The following MARCHF8 variants were observed in gnomAD, a reference collection of about 807,000 sequenced individuals.
The protein encoded by MARCHF8 is E3 ubiquitin-protein ligase MARCHF8.
In MARCHF8, 40 loss-of-function variants were observed where a neutral mutation model predicts 51.6. That is an observed-to-expected ratio of 0.77 (90% CI 0.60 to 1.01). The LOEUF (loss-of-function observed/expected upper bound fraction) is 1.01. Among genes scored for constraint, MARCHF8 ranks in the 50% least tolerant of loss-of-function variants. MARCHF8 has a pLI of 0.00. For synonymous variants in MARCHF8, 263 were observed against 280.3 expected, an observed-to-expected ratio of 0.94 and a Z score of 0.62; for missense variants, 685 against 708.6, an observed-to-expected ratio of 0.97 and a Z score of 0.38.
At chr10:45,571,633 C>A (rs753075618) in intron 1 of MARCHF8, among the ~76,000 whole-genome samples, 13 of 151,110 alleles carry the variant, frequency 8.6e-5, no homozygotes, top group Non-Finnish European at 1.8e-4. Context: ...TCCTCCTGCT[C>A]TTTGCTCTGT....
chr10:45,464,374 A>G (rs1842901174), intron 3 of MARCHF8, 47 bp from the exon 4 acceptor site: 2 of 1,519,668 alleles, frequency 1.3e-6, no homozygotes, highest in African/African-American at 1.4e-5. Context: ...AGCCAAGGGG[A>G]TTGTGTGCAC....
chr10:45,462,541 C>A (rs562305972), intron 5 of MARCHF8, among the ~76,000 whole-genome samples: 2 of 151,936 alleles, frequency 1.3e-5, no homozygotes, highest in Non-Finnish European at 2.9e-5. Flanking sequence ...CTTCCAGTTT[C>A]TTTATGCAAA....
intron 2 of MARCHF8, among the ~76,000 whole-genome samples, chr10:45,505,956 T>G (rs1348269626): frequency 6.6e-6 from 1 of 152,202 alleles, no homozygotes; most frequent in Non-Finnish European, 1.5e-5. Context: ...ATAAACTCTT[T>G]CCGCATCTGC....
intron 1 of MARCHF8, among the ~76,000 whole-genome samples, chr10:45,573,539 C>T (rs759632125): frequency 2.6e-5 from 4 of 152,200 alleles, no homozygotes; most frequent in Non-Finnish European, 4.4e-5. Context: ...CCCGGGATTC[C>T]TCCTAAGCCT....
At chr10:45,558,082 C>T (rs778330140) in intron 1 of MARCHF8, among the ~76,000 whole-genome samples, 3 of 152,182 alleles carry the variant, frequency 2.0e-5, no homozygotes, top group African/African-American at 4.8e-5. Context: ...AATAGATGAA[C>T]GCTTAGTCAA....
intron 2 of MARCHF8, among the ~76,000 whole-genome samples, chr10:45,497,688 A>T (rs905229848): frequency 2.0e-5 from 3 of 152,218 alleles, no homozygotes; most frequent in Non-Finnish European, 4.4e-5. Context: ...ATAACCAGTA[A>T]ATCAAAAAAG....
intron 1 of MARCHF8, among the ~76,000 whole-genome samples, chr10:45,565,322 T>C (rs2044352841): frequency 6.6e-6 from 1 of 151,944 alleles, no homozygotes; most frequent in Non-Finnish European, 1.5e-5. Flanking sequence ...TCCCAGCTAC[T>C]TAGGAAACTG....
chr10:45,506,140 G>A (rs1192171949), intron 2 of MARCHF8, among the ~76,000 whole-genome samples: 1 of 152,100 alleles, frequency 6.6e-6, no homozygotes, highest in South Asian at 2.1e-4. Context: ...TATATAAACA[G>A]AATATTCCTA....
chr10:45,502,280 C>T (rs777575849), intron 2 of MARCHF8, among the ~76,000 whole-genome samples: 19 of 152,278 alleles, frequency 1.2e-4, no homozygotes, highest in Non-Finnish European at 2.8e-4. Flanking sequence ...AAGGAACAAA[C>T]TATTGATAAA....
intron 2 of MARCHF8, among the ~76,000 whole-genome samples, chr10:45,521,750 C>G (rs1160156659): frequency 6.6e-6 from 1 of 152,206 alleles, no homozygotes; most frequent in Admixed American, 6.5e-5. Flanking sequence ...CAAGCATAAT[C>G]TTTTATTTCC....
Position 45,504,216 on chromosome 10 carries a change from C to T in MARCHF8, c.103-14799G>A, listed in dbSNP as rs528309742. ...ATGCCAGCACTTTGGGAGGCCGAGA[C>T]GGGCAGATCACCTGAGGCTGGGAGT... On this transcript the variant is annotated intron_variant, in intron 2 of 7. Transcript: ENST00000453424. 8.3e-4 allele frequency among the ~76,000 whole-genome samples: 127 copies of T among 152,278 alleles called. 3 individuals are homozygous for T. In the South Asian group the frequency reaches 0.024, roughly 29 times the overall value.
chr10:45,512,430 G>T (rs914209296), intron 2 of MARCHF8, among the ~76,000 whole-genome samples: 3 of 150,504 alleles, frequency 2.0e-5, no homozygotes, highest in Admixed American at 2.0e-4. Context: ...CAGCCACCCC[G>T]TCCGGGAGGT....
chr10:45,584,006 CAAAAAAAAAAAAA>C (rs67624741), intron 1 of MARCHF8, among the ~76,000 whole-genome samples: 6 of 53,048 alleles, frequency 1.1e-4, no homozygotes, highest in Admixed American at 2.1e-4. Context: ...ACTTCATTTC[CAAAAAAAAAAAAA>C]AAAAAAAAGG....
At chr10:45,548,568 T>C (rs2044155688) in intron 1 of MARCHF8, among the ~76,000 whole-genome samples, 1 of 152,082 alleles carries the variant, frequency 6.6e-6, no homozygotes. Context: ...GGTAATAGAA[T>C]GCAAAAATAC....
intron 3 of MARCHF8, among the ~76,000 whole-genome samples, chr10:45,474,137 A>T (rs2042744317): frequency 6.6e-6 from 1 of 152,200 alleles, no homozygotes; most frequent in Non-Finnish European, 1.5e-5. Flanking sequence ...TCTGGCACAC[A>T]GTTAGGTGCT....
At chr10:45,594,276 C>G (rs1032317023) in exon 1 of MARCHF8, 11 of 152,242 alleles carry the variant, frequency 7.2e-5, no homozygotes, top group African/African-American at 2.4e-4. Context: ...GCAGGTCTCT[C>G]GAGATCACAC....
intron 1 of MARCHF8, among the ~76,000 whole-genome samples, chr10:45,571,996 C>T (rs1432469589): frequency 3.9e-5 from 6 of 152,280 alleles, no homozygotes; most frequent in African/African-American, 1.2e-4. Flanking sequence ...ACCGCGGGGA[C>T]GCCTGCCTTT....
intron 1 of MARCHF8, among the ~76,000 whole-genome samples, chr10:45,592,898 T>C (rs746795055): frequency 7.2e-5 from 11 of 152,190 alleles, no homozygotes; most frequent in Non-Finnish European, 1.3e-4. Context: ...ATATTTATAG[T>C]AAAAATTTAT....
At chr10:45,524,503 G>C (rs1201164928) in intron 2 of MARCHF8, among the ~76,000 whole-genome samples, 1 of 152,206 alleles carries the variant, frequency 6.6e-6, no homozygotes, top group Non-Finnish European at 1.5e-5. Context: ...GTAGATGGAT[G>C]ATTCAAGAAG....
Sources: allele counts gnomAD v4.1 joint callset (sites outside exome capture counted in the v4.1 genomes callset), GRCh38; gene constraint gnomAD v4.1.1; transcripts MANE v1.5; gene names NCBI Gene and HGNC (gene_info 2026-07-23, HGNC 2026-07-21).